Variants in ELP3 observed in about 807,000 individuals in gnomAD.
The protein encoded by ELP3 is elongator complex protein 3.
In ELP3, 56 loss-of-function variants were observed where a neutral mutation model predicts 74.9. The observed-to-expected ratio is 0.75, with a 90% CI of 0.60 to 0.93. The LOEUF (loss-of-function observed/expected upper bound fraction) is 0.93, where lower values mean the gene tolerates loss of function less well. Ranked by LOEUF, ELP3 falls within the 40% of genes least tolerant of loss-of-function variation. The pLI is 0.00. For synonymous variants in ELP3, 222 were observed against 239.8 expected (o/e 0.93, Z 0.68); for missense variants, 573 against 686.5 (o/e 0.83, Z 1.85).
chr8:28,090,244 G>T, upstream of ELP3: 1 of 304,084 alleles, frequency 3.3e-6, no homozygotes, highest in Non-Finnish European at 6.4e-6. Context: ...AGCTTCAGGA[G>T]ACCTATCCTC....
chr8:28,145,731 C>T (rs1192925885), intron 10 of ELP3, among the ~76,000 whole-genome samples: 1 of 152,230 alleles, frequency 6.6e-6, no homozygotes, highest in Non-Finnish European at 1.5e-5. Context: ...TCAAGCAATT[C>T]TCCTGCCTCA....
chr8:28,181,831 A>G (rs762061670), intron 14 of ELP3, among the ~76,000 whole-genome samples: 84 of 152,356 alleles, frequency 5.5e-4, no homozygotes, highest in Non-Finnish European at 5.9e-4. Context: ...TCTTTCTCCT[A>G]GGACAATAAT....
intron 6 of ELP3, among the ~76,000 whole-genome samples, chr8:28,112,151 T>TA (rs199611692): frequency 1.3e-5 from 2 of 149,188 alleles, no homozygotes; most frequent in Middle Eastern, 3.4e-3. Context: ...TTATTATTAT[T>TA]TTTTTTTTTT....
At chr8:28,142,978 G>A (rs1016975312) in intron 10 of ELP3, among the ~76,000 whole-genome samples, 1 of 152,000 alleles carries the variant, frequency 6.6e-6, no homozygotes, top group Non-Finnish European at 1.5e-5. Context: ...TTTGCATTGA[G>A]TGTTACTAAA....
chr8:28,190,712 C>T lies in ELP3; in HGVS notation c.*987C>T, dbSNP rs1159814362. ...CCTGAGTAGCTGGGATTACAGGCAC[C>T]CGCCGCTGCTAATTTTTGTATTTTT... On this transcript the variant is annotated 3_prime_UTR_variant, in exon 15 of 15. Transcript: ENST00000256398. The T allele has an allele frequency of 1.3e-5, 2 of 152,066 alleles. No homozygotes were observed. The highest frequency in any genetic ancestry group is 2.4e-5 in the African/African-American group (1 of 41,402). 9.4% of individuals were successfully genotyped at this position (152,066 alleles called of 1,614,324 possible). A position where few individuals can be genotyped will look rare whatever the true frequency, so the allele number is the denominator to read the frequency against.
At chr8:28,106,539 C>CAA (rs61714722) in intron 3 of ELP3, among the ~76,000 whole-genome samples, 174 bp from the exon 4 acceptor site, 95 of 112,690 alleles carry the variant, frequency 8.4e-4, no homozygotes, top group African/African-American at 9.6e-4. Context: ...GACTCCGTCT[C>CAA]AAAAAAAAAA....
chr8:28,170,487 C>T (rs1484979562), intron 14 of ELP3, among the ~76,000 whole-genome samples: 1 of 152,178 alleles, frequency 6.6e-6, no homozygotes, highest in Non-Finnish European at 1.5e-5. Flanking sequence ...ATCTCTCTTC[C>T]GTGAGGACAT....
intron 1 of ELP3, 139 bp from the exon 2 acceptor site, chr8:28,097,079 AG>A: frequency 1.7e-6 from 1 of 575,014 alleles, no homozygotes; most frequent in Non-Finnish European, 3.1e-6. Flanking sequence ...TGTAAACAGT[AG>A]AGATTTAGCA....
chr8:28,104,090 G>A (rs939558988), intron 3 of ELP3, among the ~76,000 whole-genome samples: 9 of 152,170 alleles, frequency 5.9e-5, no homozygotes, highest in African/African-American at 2.2e-4. Context: ...TGTTTAGTTT[G>A]TAATTCCCTA....
rs1409520149 is a variant in ELP3 at position 28,097,464 on chromosome 8, T to TC, written c.119+146_119+147insC. 3 of 567,124 alleles carry TC rather than the reference T, an allele frequency of 5.3e-6. No homozygotes were observed. In the East Asian group the frequency reaches 9.2e-5, roughly 17 times the overall value. 35.1% of individuals were successfully genotyped at this position (567,124 alleles called of 1,614,324 possible). ...GCCTTGCCTTGTCATTCATTTCTTTTTTTTTTTTTGCAAGTTCCGCCTCTG... is the reference window on the plus strand; with the variant it reads ...GCCTTGCCTTGTCATTCATTTCTTTTCTTTTTTTTTGCAAGTTCCGCCTCTG... On this transcript the variant is annotated intron_variant, in intron 2 of 14. Coordinates refer to ENST00000256398, the MANE Select transcript of ELP3 (RefSeq NM_018091.6).
At chr8:28,161,005 A>G (rs1814062348) in intron 13 of ELP3, among the ~76,000 whole-genome samples, 1 of 152,116 alleles carries the variant, frequency 6.6e-6, no homozygotes. Context: ...TGCAGTTAGT[A>G]TTTTTGAAAG....
At chr8:28,160,521 A>G (rs895734880) in intron 13 of ELP3, 65 bp downstream of exon 13, 3 of 1,426,524 alleles carry the variant, frequency 2.1e-6, no homozygotes, top group Non-Finnish European at 2.9e-6. Flanking sequence ...GAGAAAAGGA[A>G]TGGGGTGAAG....
chr8:28,154,868 T>C (rs886591528), intron 10 of ELP3, among the ~76,000 whole-genome samples: 3 of 152,222 alleles, frequency 2.0e-5, no homozygotes, highest in Non-Finnish European at 2.9e-5. Context: ...CTCCAATGTG[T>C]CTTTGCCTTA....
At chr8:28,095,759 A>G (rs1235055334) in intron 1 of ELP3, among the ~76,000 whole-genome samples, 2 of 152,194 alleles carry the variant, frequency 1.3e-5, no homozygotes, top group Non-Finnish European at 2.9e-5. Context: ...ATAAAATGGG[A>G]TAACAGTACC....
Position 28,168,191 on chromosome 8 carries a change from CAT to C in ELP3, c.1567+6114_1567+6115del, listed in dbSNP as rs538471129. Among the ~76,000 whole-genome samples, 349 of 152,312 alleles carry C rather than the reference CAT, an allele frequency of 2.3e-3. 3 individuals carry two copies. Among genetic ancestry groups the C allele is most frequent in the African/African-American group, 8.0e-3 (333 of 41,568 alleles). Reference sequence around the variant, plus strand: ...ATCACAGACTATGTTAATTAGTACACATGTTTTGAATATTATTGAATAGGCCA... The same window carrying C: ...ATCACAGACTATGTTAATTAGTACACGTTTTGAATATTATTGAATAGGCCA... On this transcript the variant is annotated intron_variant, in intron 14 of 14. Transcript: ENST00000256398.
chr8:28,181,314 C>T (rs79231756), intron 14 of ELP3, among the ~76,000 whole-genome samples: 1 of 152,180 alleles, frequency 6.6e-6, no homozygotes, highest in Admixed American at 6.5e-5. Context: ...TGTTGTTTTC[C>T]TCCAAACTCT....
chr8:28,145,839 GT>G (rs1813411819), intron 10 of ELP3, among the ~76,000 whole-genome samples: 1 of 152,188 alleles, frequency 6.6e-6, no homozygotes, highest in Non-Finnish European at 1.5e-5. Context: ...GGCCAGGCTG[GT>G]TTCGAACTCC....
intron 7 of ELP3, among the ~76,000 whole-genome samples, chr8:28,116,403 A>C (rs4732625): frequency 0.071 from 10,871 of 152,170 alleles, 778 homozygotes; most frequent in East Asian, 0.33. Context: ...CAGGGGCTTT[A>C]GTAATAGAGG....
rs142998147 is a variant in ELP3 at position 28,163,588 on chromosome 8, G to T, written c.1567+1510G>T. Among the ~76,000 whole-genome samples, 366 of 143,618 alleles carry T rather than the reference G, an allele frequency of 2.5e-3. 1 individual carries two copies. Among genetic ancestry groups the T allele is most frequent in the African/African-American group, 9.1e-3 (350 of 38,536 alleles). The allele number at this position is 143,618 out of a possible 152,430, so 94.2% of individuals were successfully genotyped here. ...ATTTTTTTTTCTGTTATCTTTCATC[G>T]CACAAAGAGGTAACTAAATAAGGCT... On this transcript the variant is annotated intron_variant, in intron 14 of 14. Coordinates refer to ENST00000256398, the MANE Select transcript of ELP3 (RefSeq NM_018091.6).
Sources: allele counts gnomAD v4.1 joint callset (sites outside exome capture counted in the v4.1 genomes callset), GRCh38; gene constraint gnomAD v4.1.1; transcripts MANE v1.5; gene names NCBI Gene and HGNC (gene_info 2026-07-23, HGNC 2026-07-21).